The following RNF180 variants were observed in gnomAD, a reference collection of about 807,000 sequenced individuals.
The protein encoded by RNF180 is E3 ubiquitin-protein ligase RNF180.
A neutral mutation model predicts 59.2 loss-of-function variants in RNF180; 38 were observed. That is an observed-to-expected ratio of 0.64 (90% CI 0.50 to 0.84). The LOEUF is 0.84. RNF180 is among the 40% of genes least tolerant of loss of function. The pLI is 0.00. For missense variants in RNF180, 705 were observed against 700.9 expected (o/e 1.01, Z -0.07); for synonymous variants, 262 against 240.3 (o/e 1.09, Z -0.84).
At chr5:64,336,611 A>G (rs1580273869) in intron 7 of RNF180, among the ~76,000 whole-genome samples, 1 of 152,226 alleles carries the variant, frequency 6.6e-6, no homozygotes, top group East Asian at 1.9e-4. Context: ...AATTAGCACT[A>G]TGGAAAATGT....
At chr5:64,350,632 G>T (rs186534789) in intron 7 of RNF180, among the ~76,000 whole-genome samples, 211 of 152,208 alleles carry the variant, frequency 1.4e-3, no homozygotes, top group African/African-American at 3.9e-3. Context: ...CATATGGCTA[G>T]CCAGTTTTCC....
rs538242023 is a variant in RNF180 at position 64,318,501 on chromosome 5, A to G, written c.1228-6685A>G. On this transcript the variant is annotated intron_variant, in intron 5 of 7. Transcript: ENST00000389100. ...TTTAATATTTTCAGGTAAATGGTAA[A>G]TGAAACTACAGAAAGTGAAACCACA... is the stretch of plus-strand genomic sequence containing the variant. 7.2e-5 allele frequency among the ~76,000 whole-genome samples: 11 copies of G among 152,312 alleles called. No individual in the cohort carries two copies. In the South Asian group the frequency reaches 2.3e-3, roughly 32 times the overall value.
At chr5:64,223,990 G>A (rs564781945) in intron 5 of RNF180, among the ~76,000 whole-genome samples, 405 of 152,078 alleles carry the variant, frequency 2.7e-3, no homozygotes, top group Admixed American at 5.1e-3. Flanking sequence ...ATGCAACTGC[G>A]AATTCTAAAG....
At chr5:64,190,456 C>T (rs528084207) in intron 1 of RNF180, among the ~76,000 whole-genome samples, 7 of 152,150 alleles carry the variant, frequency 4.6e-5, no homozygotes, top group South Asian at 2.1e-4. Flanking sequence ...TATTTAGATG[C>T]GACTTTGGAT....
intron 1 of RNF180, among the ~76,000 whole-genome samples, chr5:64,171,409 G>A (rs967634367): frequency 6.6e-6 from 1 of 152,116 alleles, no homozygotes; most frequent in Non-Finnish European, 1.5e-5. Flanking sequence ...TCAGCCTTTT[G>A]ACATGGGAAG....
intron 1 of RNF180, among the ~76,000 whole-genome samples, chr5:64,190,277 C>T (rs1579962140): frequency 6.6e-6 from 1 of 152,150 alleles, no homozygotes; most frequent in South Asian, 2.1e-4. Flanking sequence ...TCATCCCTTT[C>T]TTTGTTCTGA....
At chr5:64,211,357 T>C (rs1752301000) in intron 2 of RNF180, among the ~76,000 whole-genome samples, 2 of 152,156 alleles carry the variant, frequency 1.3e-5, no homozygotes, top group Non-Finnish European at 2.9e-5. Context: ...TAATGCTCAA[T>C]GTGCTGCAAG....
intron 6 of RNF180, among the ~76,000 whole-genome samples, chr5:64,327,040 G>A (rs1186544147): frequency 6.6e-6 from 1 of 152,090 alleles, no homozygotes; most frequent in East Asian, 1.9e-4. Context: ...TAGGTTGTAT[G>A]TGTCTAGGAA....
chr5:64,278,558 A>G (rs1452969871), intron 5 of RNF180, among the ~76,000 whole-genome samples: 6 of 152,210 alleles, frequency 3.9e-5, no homozygotes, highest in Admixed American at 1.3e-4. Flanking sequence ...TTAAGCAAGT[A>G]AAATGTACGT....
chr5:64,354,137 GA>G (rs771268632), intron 7 of RNF180, among the ~76,000 whole-genome samples: 2 of 151,548 alleles, frequency 1.3e-5, no homozygotes, highest in East Asian at 1.9e-4. Flanking sequence ...AGGGATTAAT[GA>G]AATACAGAAT....
rs571339585 is a variant in RNF180 at position 64,194,752 on chromosome 5, GTGA to G, written c.1-6049_1-6047del. Among the ~76,000 whole-genome samples the G allele has an allele frequency of 6.6e-5, 10 of 152,294 alleles. No homozygotes were observed. In the South Asian group the frequency reaches 2.1e-3, roughly 32 times the overall value. The stretch of plus-strand genomic sequence containing the variant: ...TTGATTTGCATTTCTCTGTTGGCCA[GTGA>G]TGATGAGCATTTTTTCATGTGTCTT... On this transcript the variant is annotated intron_variant, in intron 1 of 7. Coordinates refer to ENST00000389100, the MANE Select transcript of RNF180 (RefSeq NM_001113561.2).
At chr5:64,328,748 A>G (rs559891809) in intron 6 of RNF180, among the ~76,000 whole-genome samples, 5 of 152,322 alleles carry the variant, frequency 3.3e-5, no homozygotes, top group African/African-American at 7.2e-5. Flanking sequence ...GTAAAAATCA[A>G]CCCAAGGCAG....
At chr5:64,179,446 T>C (rs1245062195) in intron 1 of RNF180, among the ~76,000 whole-genome samples, 3 of 84,166 alleles carry the variant, frequency 3.6e-5, no homozygotes, top group East Asian at 2.4e-4. Flanking sequence ...TACACATGCA[T>C]GTATCAATAA....
intron 7 of RNF180, among the ~76,000 whole-genome samples, chr5:64,343,798 A>G (rs779235475): frequency 6.6e-6 from 1 of 151,210 alleles, no homozygotes; most frequent in Non-Finnish European, 1.5e-5. Context: ...TGAAGGTGAA[A>G]TAAAGACATT....
At chr5:64,167,385 A>G (rs1749703046) in intron 1 of RNF180, among the ~76,000 whole-genome samples, 1 of 152,120 alleles carries the variant, frequency 6.6e-6, no homozygotes, top group Non-Finnish European at 1.5e-5. Flanking sequence ...TAGTTTTGTC[A>G]ATGGTATTTT....
At chr5:64,338,362 C>T (rs1745219041) in intron 7 of RNF180, among the ~76,000 whole-genome samples, 1 of 152,270 alleles carries the variant, frequency 6.6e-6, no homozygotes, top group Admixed American at 6.5e-5. Flanking sequence ...TGGCTGGGCG[C>T]AGTGGCTCAT....
At position 64,214,056 on chromosome 5, in the gene RNF180, A is replaced by T. The variant is rs753504490; in HGVS notation, c.730A>T (p.Thr244Ser). The T allele has an allele frequency of 1.2e-6, 2 of 1,614,068 alleles. No homozygotes were observed. The highest frequency in any genetic ancestry group is 1.7e-6 in the Non-Finnish European group (2 of 1,179,982). Residue 244 changes from threonine (T) to serine (S), a missense_variant, in exon 4 of 8, where the codon ACT (threonine) becomes TCT (serine). Thr to Ser is a moderately conservative substitution (Grantham distance 58). Coordinates refer to ENST00000389100, the MANE Select transcript of RNF180 (RefSeq NM_001113561.2). ...NISEKLTLLP[T>S]LYEIHSKTTA... Reference sequence around the variant, plus strand: ...CAGTGAGAAACTGACTTTATTACCCACTTTATATGAAATACATAGTAAGAC... The same window carrying T: ...CAGTGAGAAACTGACTTTATTACCCTCTTTATATGAAATACATAGTAAGAC...
chr5:64,278,733 T>G (rs1341104942), intron 5 of RNF180, among the ~76,000 whole-genome samples: 1 of 152,190 alleles, frequency 6.6e-6, no homozygotes, highest in African/African-American at 2.4e-5. Flanking sequence ...TTGAACATGT[T>G]ATGCCTGCCT....
rs146189334 is a variant in RNF180, at chr5:64,295,420, C to A, written c.1228-29766C>A. Among the ~76,000 whole-genome samples, 3 of 152,294 alleles carry A rather than the reference C, an allele frequency of 2.0e-5. No homozygotes were observed. In the East Asian group the frequency reaches 5.8e-4, roughly 29 times the overall value. On this transcript the variant is annotated intron_variant, in intron 5 of 7. Transcript: ENST00000389100. ...AATGCTCTATGGGGAAAACCTTGGA[C>A]CATGAGGAGATGGGCCTCAGAAGAT...
Sources: gnomAD v4.1 joint callset for allele counts (sites outside exome capture counted in the v4.1 genomes callset) on GRCh38, gnomAD v4.1.1 for gene constraint, MANE v1.5 for transcripts, NCBI Gene and HGNC (gene_info 2026-07-23, HGNC 2026-07-21) for gene names.